Variants in CC2D2A observed in about 807,000 individuals in gnomAD.
CC2D2A encodes coiled-coil and C2 domain containing 2A.
In CC2D2A, 155 loss-of-function variants were observed where a neutral mutation model predicts 212.9. The ratio of observed to expected loss-of-function variants is 0.73; its 90% CI spans 0.64 to 0.83. The LOEUF (loss-of-function observed/expected upper bound fraction) is 0.83. CC2D2A is among the 40% of genes least tolerant of loss of function. CC2D2A has a pLI of 0.00. For missense variants in CC2D2A, 1,856 were observed against 1,956.2 expected, an observed-to-expected ratio of 0.95 and a Z score of 0.97; for synonymous variants, 667 against 686.5, an observed-to-expected ratio of 0.97 and a Z score of 0.44.
intron 4 of CC2D2A, among the ~76,000 whole-genome samples, chr4:15,496,736 T>TA (rs1213144669): frequency 1.3e-5 from 2 of 151,896 alleles, no homozygotes; most frequent in Admixed American, 6.6e-5. Context: ...AAAATCAATG[T>TA]AAAAAAATTA....
chr4:15,473,481 G>A (rs945221645), intron 1 of CC2D2A, among the ~76,000 whole-genome samples: 2 of 152,146 alleles, frequency 1.3e-5, no homozygotes, highest in Admixed American at 1.3e-4. Context: ...CAGCTACAAA[G>A]GTCCTGAGGC....
At chr4:15,572,071 T>C (rs1212535877) in intron 28 of CC2D2A, among the ~76,000 whole-genome samples, 1 of 152,206 alleles carries the variant, frequency 6.6e-6, no homozygotes, top group African/African-American at 2.4e-5. Flanking sequence ...AGGTCCTGGT[T>C]CAATTCTCTG....
chr4:15,564,915 G>A (rs972098630), intron 24 of CC2D2A, among the ~76,000 whole-genome samples: 14 of 152,074 alleles, frequency 9.2e-5, no homozygotes, highest in South Asian at 2.1e-4. Flanking sequence ...GGCCTCAAGC[G>A]ATCCTCCTGC....
At chr4:15,590,624 G>A (rs545022615) in intron 33 of CC2D2A, among the ~76,000 whole-genome samples, 8 of 152,274 alleles carry the variant, frequency 5.3e-5, no homozygotes, top group Admixed American at 1.3e-4. Flanking sequence ...CAGCTTCTTC[G>A]CTGGTAAAAT....
intron 11 of CC2D2A, 42 bp from the exon 12 acceptor site, chr4:15,527,405 T>C (rs1717564448): frequency 1.4e-6 from 2 of 1,427,170 alleles, no homozygotes; most frequent in Non-Finnish European, 2.0e-6. Flanking sequence ...ATCTAGTAAG[T>C]GCTTTAACTG....
chr4:15,510,054 G>T, intron 6 of CC2D2A, 85 bp from the exon 7 acceptor site: 2 of 981,834 alleles, frequency 2.0e-6, no homozygotes, highest in Non-Finnish European at 1.6e-6. Context: ...TAAGCCTTTG[G>T]GATGGGGGGG....
chr4:15,503,547 A>G (rs1234243385), intron 6 of CC2D2A, among the ~76,000 whole-genome samples: 1 of 152,218 alleles, frequency 6.6e-6, no homozygotes, highest in African/African-American at 2.4e-5. Context: ...AGTCTGTCTC[A>G]TTGGGTCAGC....
chr4:15,567,883 G>T, intron 26 of CC2D2A, 97 bp downstream of exon 26: 1 of 829,544 alleles, frequency 1.2e-6, no homozygotes, highest in Non-Finnish European at 1.9e-6. Context: ...GGATTTTGTA[G>T]CTAGTGAGCG....
intron 20 of CC2D2A, 108 bp from the exon 21 acceptor site, chr4:15,557,196 C>A: frequency 1.6e-6 from 1 of 622,934 alleles, no homozygotes; most frequent in Non-Finnish European, 2.8e-6. Flanking sequence ...TTTTGTCTTT[C>A]AAGTCTTTTA....
chr4:15,473,200 T>C (rs1369062941), intron 1 of CC2D2A: 1 of 152,168 alleles, frequency 6.6e-6, no homozygotes, highest in African/African-American at 2.4e-5. Context: ...ATAAACAAAA[T>C]AATGTTTCTG....
chr4:15,563,223 C>T (rs894252064), intron 23 of CC2D2A, 132 bp from the exon 24 acceptor site: 4 of 810,962 alleles, frequency 4.9e-6, no homozygotes, highest in Non-Finnish European at 7.6e-6. Flanking sequence ...AGACTATTTC[C>T]ACCCACCTTC....
intron 23 of CC2D2A, among the ~76,000 whole-genome samples, chr4:15,562,772 G>C (rs766444247): frequency 2.0e-5 from 3 of 152,218 alleles, no homozygotes; most frequent in Admixed American, 6.5e-5. Flanking sequence ...GCAAAGAGTG[G>C]AGCCAGGATT....
chr4:15,482,194 G>T (rs947938648), intron 4 of CC2D2A: 53 of 985,248 alleles, frequency 5.4e-5, no homozygotes, highest in Non-Finnish European at 5.7e-5. Flanking sequence ...TTGGAAAAAT[G>T]TGGTTCTAAT....
In CC2D2A at chr4:15,559,140, A is replaced by C. The variant is rs1452618120; in HGVS notation, c.2830-25A>C. On this transcript the variant is annotated intron_variant, in intron 21 of 36. Transcript: ENST00000424120. Reference sequence around the variant, plus strand: ...AGAAAAGCACCAGAGAGTGCTTTAAAATCATTGCCTCTTTTTAATTTTAGG... The same window carrying C: ...AGAAAAGCACCAGAGAGTGCTTTAACATCATTGCCTCTTTTTAATTTTAGG... 1.0e-5 allele frequency: 14 copies of C among 1,403,654 alleles called. No individual in the cohort carries two copies. In the African/African-American group the frequency reaches 2.0e-4, roughly 20 times the overall value. The allele number at this position is 1,403,654 out of a possible 1,614,324, so 86.9% of individuals were successfully genotyped here. A position where few individuals can be genotyped will look rare whatever the true frequency, so the allele number is the denominator to read the frequency against.
intron 19 of CC2D2A, among the ~76,000 whole-genome samples, chr4:15,554,174 A>C (rs1719151125): frequency 6.6e-6 from 1 of 152,230 alleles, no homozygotes; most frequent in Admixed American, 6.5e-5. Context: ...GAATGTAAGA[A>C]GTCTGCATTC....
In CC2D2A at chr4:15,500,075, T is replaced by A. The variant is rs1165758671; in HGVS notation, c.248-2354T>A. ...TAAAGTGTACTTACACAAACCTAGATTGTGTGTGTGTGTGTGTGTGTGTGT... is the reference window on the plus strand; with the variant it reads ...TAAAGTGTACTTACACAAACCTAGAATGTGTGTGTGTGTGTGTGTGTGTGT... On this transcript the variant is annotated intron_variant, in intron 4 of 36. Coordinates refer to ENST00000424120, the MANE Select transcript of CC2D2A (RefSeq NM_001378615.1). 5.6e-5 allele frequency among the ~76,000 whole-genome samples: 7 copies of A among 124,442 alleles called. No individual in the cohort carries two copies. The South Asian group carries it at 2.0e-3, about 36-fold the overall frequency. The allele number at this position is 124,442 out of a possible 152,430, so 81.6% of individuals were successfully genotyped here. A position where few individuals can be genotyped will look rare whatever the true frequency, so the allele number is the denominator to read the frequency against.
chr4:15,541,920 G>A (rs560503763), intron 17 of CC2D2A, among the ~76,000 whole-genome samples: 13 of 152,244 alleles, frequency 8.5e-5, no homozygotes, highest in Middle Eastern at 3.4e-3. Flanking sequence ...AAATCAAGGC[G>A]TCAGTAGGGC....
intron 4 of CC2D2A, among the ~76,000 whole-genome samples, chr4:15,500,097 G>A (rs1185913788): frequency 0.021 from 1,097 of 52,472 alleles, 14 homozygotes; most frequent in African/African-American, 0.06. Context: ...GTGTGTGTGT[G>A]TGTGTGTGTG....
In CC2D2A at chr4:15,563,525, G is replaced by A. The variant is rs763141557; in HGVS notation, c.3182+3G>A. ...CCAGTGAGGAAGCCGGCAGTGAGGT[G>A]AGAGCCCTCCCAACAGCCCGAGATG... On this transcript the variant is annotated splice_donor_region_variant and intron_variant, in intron 24 of 36. Coordinates refer to ENST00000424120, the MANE Select transcript of CC2D2A (RefSeq NM_001378615.1). The A allele has an allele frequency of 2.5e-6, 4 of 1,610,794 alleles. No homozygotes were observed. Among genetic ancestry groups the A allele is most frequent in the Non-Finnish European group, 2.5e-6 (3 of 1,178,734 alleles).
Sources: allele counts gnomAD v4.1 joint callset (sites outside exome capture counted in the v4.1 genomes callset), GRCh38; gene constraint gnomAD v4.1.1; transcripts MANE v1.5; gene names NCBI Gene and HGNC (gene_info 2026-07-23, HGNC 2026-07-21).